Variants in SGCD observed in about 807,000 individuals in gnomAD.
The protein encoded by SGCD is sarcoglycan delta.
A neutral mutation model predicts 36.6 loss-of-function variants in SGCD; 18 were observed. The ratio of observed to expected loss-of-function variants is 0.49; its 90% CI spans 0.34 to 0.73. The LOEUF (loss-of-function observed/expected upper bound fraction) is 0.73, where lower values mean the gene tolerates loss of function less well. SGCD is among the 30% of genes least tolerant of loss of function. SGCD has a pLI of 0.01. For synonymous variants in SGCD, 133 were observed against 130.6 expected (o/e 1.02, Z -0.12); for missense variants, 387 against 346.7 (o/e 1.12, Z -0.92).
intron 3 of SGCD, among the ~76,000 whole-genome samples, chr5:156,433,778 C>T (rs969554575): frequency 1.3e-5 from 2 of 152,182 alleles, no homozygotes; most frequent in African/African-American, 2.4e-5. Flanking sequence ...ATTGTCAACA[C>T]AAGTTGGTTT....
the SGCD span, among the ~76,000 whole-genome samples, chr5:155,807,874 T>G: frequency 3.8e-3 from 579 of 152,314 alleles, 2 homozygotes; most frequent in Admixed American, 8.6e-3. Flanking sequence ...TCAGCTTACC[T>G]TGGGGTAGGA....
At chr5:156,038,695 C>T (rs1253016176) in intron 1 of SGCD, among the ~76,000 whole-genome samples, 3 of 152,070 alleles carry the variant, frequency 2.0e-5, no homozygotes, top group African/African-American at 7.2e-5. Flanking sequence ...TACATAAAGC[C>T]TTACTTTGTT....
intron 3 of SGCD, among the ~76,000 whole-genome samples, chr5:156,284,889 G>A (rs1239581216): frequency 6.6e-6 from 1 of 152,208 alleles, no homozygotes; most frequent in East Asian, 1.9e-4. Flanking sequence ...AATTGTCCCT[G>A]TTTGCAGATG....
At chr5:155,758,745 A>C in the SGCD span, among the ~76,000 whole-genome samples, 1 of 152,088 alleles carries the variant, frequency 6.6e-6, no homozygotes, top group African/African-American at 2.4e-5. Context: ...CACCACCCCG[A>C]CCCAGCCCAG....
At chr5:156,194,332 T>C (rs1763969802) in intron 3 of SGCD, among the ~76,000 whole-genome samples, 1 of 151,932 alleles carries the variant, frequency 6.6e-6, no homozygotes, top group Non-Finnish European at 1.5e-5. Flanking sequence ...TGAGCAGAGA[T>C]TGCTCCATTG....
intron 2 of SGCD, among the ~76,000 whole-genome samples, chr5:156,343,104 CT>C (rs1768753485): frequency 9.2e-6 from 1 of 108,634 alleles, no homozygotes. Flanking sequence ...TAATGATTAT[CT>C]AAAAACCAAA....
intron 1 of SGCD, chr5:155,870,521 T>C (rs1051652781): frequency 1.3e-5 from 2 of 152,252 alleles, no homozygotes; most frequent in African/African-American, 4.8e-5. Flanking sequence ...GGCTTGCGTT[T>C]CCTTTTATTT....
intron 3 of SGCD, among the ~76,000 whole-genome samples, chr5:156,390,593 G>A (rs1771512898): frequency 6.6e-6 from 1 of 152,108 alleles, no homozygotes; most frequent in Non-Finnish European, 1.5e-5. Context: ...AGCCGGGTGT[G>A]GTGGCATGTA....
intron 3 of SGCD, among the ~76,000 whole-genome samples, chr5:156,448,729 T>C (rs1033068621): frequency 1.4e-5 from 2 of 141,570 alleles, no homozygotes; most frequent in African/African-American, 2.7e-5. Flanking sequence ...CTTTTTCTTT[T>C]TCTTTTTTTT....
At chr5:156,692,365 G>A (rs989697429) in intron 7 of SGCD, among the ~76,000 whole-genome samples, 3 of 152,188 alleles carry the variant, frequency 2.0e-5, no homozygotes, top group Non-Finnish European at 4.4e-5. Context: ...TATGGCACAA[G>A]TGCTAGATAT....
chr5:155,964,800 C>A (rs1757870311), intron 1 of SGCD, among the ~76,000 whole-genome samples: 1 of 152,122 alleles, frequency 6.6e-6, no homozygotes, highest in Non-Finnish European at 1.5e-5. Flanking sequence ...GTGGTGAGAA[C>A]AAGTGCATCT....
At chr5:156,602,871 A>G (rs992341819) in intron 6 of SGCD, among the ~76,000 whole-genome samples, 2 of 152,044 alleles carry the variant, frequency 1.3e-5, no homozygotes, top group African/African-American at 4.8e-5. Flanking sequence ...TTTTGTATCT[A>G]TGTTCGTCAG....
chr5:155,802,829 C>G, the SGCD span, among the ~76,000 whole-genome samples: 1 of 152,156 alleles, frequency 6.6e-6, no homozygotes, highest in Non-Finnish European at 1.5e-5. Flanking sequence ...GGCCAACATG[C>G]TGGCCCTTTG....
At chr5:156,373,746 C>G (rs979421851) in intron 3 of SGCD, among the ~76,000 whole-genome samples, 2 of 152,178 alleles carry the variant, frequency 1.3e-5, no homozygotes, top group African/African-American at 4.8e-5. Context: ...TATTTTGAAG[C>G]CATTTAAACA....
intron 7 of SGCD, chr5:156,703,914 C>T (rs987507034): frequency 3.3e-5 from 5 of 152,052 alleles, no homozygotes; most frequent in African/African-American, 1.2e-4. Context: ...TTTAACCTGC[C>T]ATACCTTCTT....
chr5:155,791,925 A>T, the SGCD span, among the ~76,000 whole-genome samples: 5 of 152,172 alleles, frequency 3.3e-5, no homozygotes, highest in East Asian at 9.6e-4. Context: ...ATTCATATGG[A>T]TGCAAAAAGA....
chr5:155,899,039 C>A (rs1339693427), intron 1 of SGCD, among the ~76,000 whole-genome samples: 1 of 152,152 alleles, frequency 6.6e-6, no homozygotes, highest in African/African-American at 2.4e-5. Context: ...GGAAAAGCTC[C>A]ACGCATTTGA....
intron 3 of SGCD, among the ~76,000 whole-genome samples, chr5:156,500,561 A>T (rs1756400882): frequency 6.6e-6 from 1 of 152,248 alleles, no homozygotes; most frequent in Non-Finnish European, 1.5e-5. Context: ...GGGAAAATCA[A>T]AGGAGCAAGA....
intron 3 of SGCD, among the ~76,000 whole-genome samples, chr5:156,380,171 A>G (rs929742354): frequency 1.3e-5 from 2 of 151,934 alleles, no homozygotes; most frequent in East Asian, 3.9e-4. Context: ...TCTGATTTAG[A>G]TTATTTTTCC....
Sources: allele counts gnomAD v4.1 joint callset (sites outside exome capture counted in the v4.1 genomes callset), GRCh38; gene constraint gnomAD v4.1.1; transcripts MANE v1.5; gene names NCBI Gene and HGNC (gene_info 2026-07-23, HGNC 2026-07-21).